Variants in E2F7 observed in about 807,000 individuals in gnomAD.
E2F7 encodes the protein E2F transcription factor 7.
In E2F7, 35 loss-of-function variants were observed where a neutral mutation model predicts 81.1. The observed-to-expected ratio is 0.43, with a 90% confidence interval of 0.33 to 0.57. The LOEUF (loss-of-function observed/expected upper bound fraction) is 0.57. E2F7 is among the 20% of genes least tolerant of loss of function. The pLI is 0.04. For missense variants in E2F7, 961 were observed against 1,093.7 expected (o/e 0.88, Z 1.71); for synonymous variants, 416 against 416.2 (o/e 1.00, Z 0.01).
chr12:77,056,175 T>TA, intron 2 of E2F7, 45 bp from the exon 3 acceptor site: 2 of 1,531,142 alleles, frequency 1.3e-6, no homozygotes, highest in Non-Finnish European at 1.8e-6. Flanking sequence ...AAAGGGCAGG[T>TA]ATCAGCTAAG....
At position 77,052,564 on chromosome 12, in the gene E2F7, G is replaced by A. The variant is rs150637681; in HGVS notation, c.370-1820C>T. 4.9e-3 allele frequency among the ~76,000 whole-genome samples: 742 copies of A among 152,208 alleles called. 7 individuals carry two copies. Among genetic ancestry groups the A allele is most frequent in the Non-Finnish European group, 8.0e-3 (544 of 67,998 alleles). ...AAAAAGCAATTCCAAATGGATCAAGGATTTCATGTAAAGCAAATTTTAAAT... is the reference window on the plus strand; with the variant it reads ...AAAAAGCAATTCCAAATGGATCAAGAATTTCATGTAAAGCAAATTTTAAAT... On this transcript the variant is annotated intron_variant, in intron 3 of 12. Transcript: ENST00000322886.
intron 2 of E2F7, 133 bp from the exon 3 acceptor site, chr12:77,056,263 G>A (rs1475713082): frequency 5.3e-6 from 5 of 945,450 alleles, no homozygotes; most frequent in African/African-American, 1.7e-5. Flanking sequence ...AAAGTATCAG[G>A]ATAGGACTAA....
chr12:77,048,861 A>T (rs1022839890), intron 4 of E2F7, among the ~76,000 whole-genome samples: 3 of 152,288 alleles, frequency 2.0e-5, no homozygotes, highest in African/African-American at 4.8e-5. Flanking sequence ...GCCCTCCAAC[A>T]TCTAATCCTT....
chr12:77,021,842 A>C lies in E2F7; in HGVS notation c.*2173T>G, dbSNP rs1954713996. Reference sequence around the variant, plus strand: ...CTGTAAGATTTATTTTCCTGACAGAAACAACCACTGCATTATTATTTTTAC... The same window carrying C: ...CTGTAAGATTTATTTTCCTGACAGACACAACCACTGCATTATTATTTTTAC... On this transcript the variant is annotated 3_prime_UTR_variant, in exon 13 of 13. Transcript: ENST00000322886. 6.6e-6 allele frequency: 1 copy of C among 152,236 alleles called. No homozygotes were observed. The highest frequency in any genetic ancestry group is 2.4e-5 in the African/African-American group (1 of 41,460). The allele number at this position is 152,236 out of a possible 1,614,324, so 9.4% of individuals were successfully genotyped here.
At chr12:77,027,448 G>A (rs1340810427) in intron 11 of E2F7, among the ~76,000 whole-genome samples, 3 of 152,130 alleles carry the variant, frequency 2.0e-5, no homozygotes, top group Non-Finnish European at 4.4e-5. Context: ...TTAAGTTCAC[G>A]CAGATAATAA....
chr12:77,054,032 C>T (rs1955010932), intron 3 of E2F7, among the ~76,000 whole-genome samples: 1 of 151,928 alleles, frequency 6.6e-6, no homozygotes, highest in African/African-American at 2.4e-5. Context: ...CTGAGTACCC[C>T]AAGACAGTAA....
chr12:77,062,328 T>G (rs748705050), intron 2 of E2F7, among the ~76,000 whole-genome samples: 2 of 152,176 alleles, frequency 1.3e-5, no homozygotes, highest in Non-Finnish European at 2.9e-5. Context: ...TATATTTGTT[T>G]TAGGTCACAT....
intron 1 of E2F7, among the ~76,000 whole-genome samples, chr12:77,065,068 G>A (rs7299667): frequency 0.15 from 22,291 of 152,156 alleles, 1,937 homozygotes; most frequent in Non-Finnish European, 0.2. Flanking sequence ...CCCACTCAGC[G>A]CTGAGCGCAG....
At chr12:77,047,012 C>T (rs1320854657) in intron 4 of E2F7, among the ~76,000 whole-genome samples, 1 of 152,158 alleles carries the variant, frequency 6.6e-6, no homozygotes, top group Non-Finnish European at 1.5e-5. Context: ...TGGCTATAGA[C>T]AATTCTCTGT....
In E2F7 at chr12:77,024,175, G is replaced by A. The variant is rs747334392; in HGVS notation, c.2576C>T (p.Pro859Leu). ...GCGTTGGATGCTCTTGGGGGTCACT[G>A]GAACTGGTGACTGAAAAAAGAAAAA... is the stretch of plus-strand genomic sequence containing the variant. ...SVVKLHQSPV[P>L]VTPKSIQRTH... The change falls in exon 13 of 13, where the codon CCA becomes CTA. Residue 859 changes from proline to leucine, a missense_variant. Transcript: ENST00000322886. 2 of 1,610,998 alleles carry A rather than the reference G, an allele frequency of 1.2e-6. No individual in the cohort carries two copies. Among genetic ancestry groups the A allele is most frequent in the Admixed American group, 3.4e-5 (2 of 59,108 alleles).
intron 11 of E2F7, among the ~76,000 whole-genome samples, chr12:77,027,047 C>G (rs1325372469): frequency 1.3e-5 from 2 of 152,116 alleles, no homozygotes. Flanking sequence ...ATTTGTGTAT[C>G]CCCAATACTC....
intron 9 of E2F7, among the ~76,000 whole-genome samples, chr12:77,032,700 G>A (rs1465539666): frequency 1.3e-5 from 2 of 152,100 alleles, no homozygotes; most frequent in African/African-American, 4.8e-5. Flanking sequence ...CTCCTGGAAC[G>A]GTACCTGGTA....
At chr12:77,046,953 A>T (rs1403976347) in intron 4 of E2F7, among the ~76,000 whole-genome samples, 2 of 152,224 alleles carry the variant, frequency 1.3e-5, no homozygotes, top group Non-Finnish European at 2.9e-5. Context: ...TTGCTGAAAG[A>T]AGCCAGAGCT....
rs80084432 is a variant in E2F7 at position 77,053,152 on chromosome 12, T to G, written c.370-2408A>C. ...GACGTAGCACCTATACTAGTAGGTATGTACCCAAAACAGTAGTTCTCAAAC... is the reference window on the plus strand; with the variant it reads ...GACGTAGCACCTATACTAGTAGGTAGGTACCCAAAACAGTAGTTCTCAAAC... On this transcript the variant is annotated intron_variant, in intron 3 of 12. Coordinates refer to ENST00000322886, the MANE Select transcript of E2F7 (RefSeq NM_203394.3). Among the ~76,000 whole-genome samples, 310 of 152,328 alleles carry G rather than the reference T, an allele frequency of 2.0e-3. 1 individual carries two copies. The highest frequency in any genetic ancestry group is 6.9e-3 in the African/African-American group (287 of 41,576).
chr12:77,054,879 C>A (rs538167129), intron 3 of E2F7, among the ~76,000 whole-genome samples: 15 of 152,150 alleles, frequency 9.9e-5, no homozygotes, highest in Non-Finnish European at 1.9e-4. Flanking sequence ...CCACGACCCT[C>A]ATTTTACAGG....
intron 7 of E2F7, among the ~76,000 whole-genome samples, chr12:77,037,202 G>A (rs2120667833): frequency 6.6e-6 from 1 of 152,286 alleles, no homozygotes. Flanking sequence ...AATATTAGAT[G>A]GAAACTTACA....
intron 4 of E2F7, among the ~76,000 whole-genome samples, chr12:77,050,309 ACT>A (rs1170150723): frequency 2.0e-5 from 3 of 152,142 alleles, no homozygotes; most frequent in East Asian, 1.9e-4. Context: ...TTGTAATGTA[ACT>A]CTATTATAAA....
At chr12:77,063,932 G>C (rs1955097807) in intron 2 of E2F7, among the ~76,000 whole-genome samples, 1 of 152,202 alleles carries the variant, frequency 6.6e-6, no homozygotes, top group Non-Finnish European at 1.5e-5. Flanking sequence ...GTTATGGCCA[G>C]TTTACTTTGT....
At position 77,045,968 on chromosome 12, in the gene E2F7, A is replaced by G; in HGVS notation, c.829+70T>C. On this transcript the variant is annotated intron_variant, in intron 5 of 12. Coordinates refer to ENST00000322886, the MANE Select transcript of E2F7 (RefSeq NM_203394.3). ...TCAACCTGGCACTTCCCATCTGAGC[A>G]GTGAATCTGCAGAAGAGACCATCAC... 3.2e-6 allele frequency: 5 copies of G among 1,549,716 alleles called. No homozygotes were observed. In the African/African-American group the frequency reaches 6.8e-5, roughly 21 times the overall value.
Sources: gnomAD v4.1 joint callset for allele counts (sites outside exome capture counted in the v4.1 genomes callset) on GRCh38, gnomAD v4.1.1 for gene constraint, MANE v1.5 for transcripts, NCBI Gene and HGNC (gene_info 2026-07-23, HGNC 2026-07-21) for gene names.